Variants in FGF14 observed in about 807,000 individuals in gnomAD.
FGF14 encodes the protein fibroblast growth factor 14.
Under a neutral mutation model 25.5 loss-of-function variants are expected in FGF14, and 5 were observed. The observed-to-expected ratio is 0.20, with a 90% CI of 0.10 to 0.41. FGF14 has a LOEUF of 0.41. FGF14 is among the 10% of genes least tolerant of loss of function. The probability of loss-of-function intolerance (pLI) is 1.00; values close to 1 mark genes in which losing one functional copy is unlikely to be tolerated. For synonymous variants in FGF14, 138 were observed against 118.3 expected (o/e 1.17, Z -1.08); for missense variants, 222 against 320.1 (o/e 0.69, Z 2.34).
At chr13:101,766,207 C>T (rs570659740) in intron 3 of FGF14, among the ~76,000 whole-genome samples, 1 of 152,276 alleles carries the variant, frequency 6.6e-6, no homozygotes, top group South Asian at 2.1e-4. Context: ...GTATGAAATG[C>T]CAATATTTTA....
At chr13:101,862,170 C>T (rs2044453309) in intron 3 of FGF14, among the ~76,000 whole-genome samples, 1 of 152,038 alleles carries the variant, frequency 6.6e-6, no homozygotes, top group Non-Finnish European at 1.5e-5. Flanking sequence ...ATTCCAGGAA[C>T]ATGGTGGAGT....
At chr13:102,093,056 A>G (rs1193560750) in intron 1 of FGF14, among the ~76,000 whole-genome samples, 2 of 152,054 alleles carry the variant, frequency 1.3e-5, no homozygotes, top group Non-Finnish European at 2.9e-5. Flanking sequence ...TATACAGACA[A>G]CCCTTGAACA....
At chr13:101,747,070 A>G (rs1453374156) in intron 3 of FGF14, among the ~76,000 whole-genome samples, 2 of 151,978 alleles carry the variant, frequency 1.3e-5, no homozygotes, top group African/African-American at 4.8e-5. Flanking sequence ...ATTTTGTGGC[A>G]GGAAAGTGGT....
rs2058666721 is a variant in FGF14 at position 102,400,036 on chromosome 13, C to T, written c.208+1435G>A. Among the ~76,000 whole-genome samples, 1 of 151,304 alleles carries T rather than the reference C, an allele frequency of 6.6e-6. No homozygotes were observed. Among genetic ancestry groups the T allele is most frequent in the Admixed American group, 6.6e-5 (1 of 15,044 alleles). On this transcript the variant is annotated intron_variant, in intron 1 of 4. Coordinates refer to the FGF14 transcript ENST00000376131. This position sits in a 1 kb window ranked among gnomAD's most constrained non-coding sequence, Gnocchi z 4.3. ...CCGCAAACGGTCTCAGCCTCCGCAC[C>T]CACCGCCTCCGTCCCCGCCCACCCG...
At chr13:101,733,390 A>G (rs2035940232) in intron 3 of FGF14, among the ~76,000 whole-genome samples, 1 of 152,070 alleles carries the variant, frequency 6.6e-6, no homozygotes, top group Non-Finnish European at 1.5e-5. Flanking sequence ...AGGTCAAAAG[A>G]TGGAGACCAT....
rs183462384 is a variant in FGF14, at chr13:101,870,284, C to G, written c.305-1456G>C. On this transcript the variant is annotated intron_variant, in intron 2 of 4. Transcript: ENST00000376143. ...TTGGTGGGAGATGGCTATATTCACT[C>G]TTGTTTAGAACACCTGAACTGTACC... Among the ~76,000 whole-genome samples the G allele has an allele frequency of 1.7e-3, 251 of 152,040 alleles. 1 individual carries two copies. The highest frequency in any genetic ancestry group is 5.5e-3 in the African/African-American group (228 of 41,472).
chr13:102,382,488 G>T (rs1460821625), intron 1 of FGF14, among the ~76,000 whole-genome samples: 1 of 152,030 alleles, frequency 6.6e-6, no homozygotes, highest in African/African-American at 2.4e-5. Context: ...TGTTGACAAA[G>T]ATATGGAGAA....
intron 1 of FGF14, among the ~76,000 whole-genome samples, chr13:102,377,546 C>T (rs571265927): frequency 3.9e-5 from 6 of 152,268 alleles, no homozygotes; most frequent in East Asian, 1.9e-4. Context: ...CAGTGGCTCA[C>T]GCCTGTAATC....
intron 3 of FGF14, among the ~76,000 whole-genome samples, chr13:101,777,624 T>G (rs1388346339): frequency 6.6e-6 from 1 of 152,158 alleles, no homozygotes; most frequent in African/African-American, 2.4e-5. Flanking sequence ...TCAATTACAT[T>G]AATTATCTGC....
chr13:101,895,466 G>T (rs2138931706), intron 1 of FGF14, among the ~76,000 whole-genome samples: 1 of 152,002 alleles, frequency 6.6e-6, no homozygotes, highest in South Asian at 2.1e-4. Flanking sequence ...AGTTAATTTT[G>T]CACAATAAAA....
chr13:101,868,414 TATAAG>T (rs2044854080), intron 3 of FGF14: 3 of 239,106 alleles, frequency 1.3e-5, no homozygotes, highest in Non-Finnish European at 2.5e-5. Flanking sequence ...TTAAAAACAT[TATAAG>T]AAACTCTCTA....
chr13:101,933,160 T>A (rs1015055525), intron 1 of FGF14, among the ~76,000 whole-genome samples: 10 of 152,234 alleles, frequency 6.6e-5, no homozygotes, highest in African/African-American at 2.4e-4. Context: ...AGTTTAACTA[T>A]TTTTATCCGT....
chr13:102,083,423 G>GTT (rs1206389329), intron 1 of FGF14, among the ~76,000 whole-genome samples: 70 of 149,678 alleles, frequency 4.7e-4, no homozygotes, highest in African/African-American at 1.7e-3. Flanking sequence ...TAAGTGTTGG[G>GTT]TTTTTTTTTA....
At chr13:102,246,409 G>A (rs1566858639) in intron 1 of FGF14, among the ~76,000 whole-genome samples, 2 of 152,130 alleles carry the variant, frequency 1.3e-5, no homozygotes, top group East Asian at 1.9e-4. Context: ...AAATCAAGGT[G>A]AGTTGGTTTG....
intron 1 of FGF14, among the ~76,000 whole-genome samples, chr13:102,141,136 G>C (rs1276116792): frequency 6.6e-6 from 1 of 152,180 alleles, no homozygotes; most frequent in African/African-American, 2.4e-5. Flanking sequence ...ATCAGCACTA[G>C]TTTCAGAAAT....
chr13:101,823,650 T>C (rs937795179), intron 3 of FGF14, among the ~76,000 whole-genome samples: 4 of 150,568 alleles, frequency 2.7e-5, no homozygotes, highest in African/African-American at 9.7e-5. Context: ...TTGGTCAGGC[T>C]GGTCTCGAAC....
chr13:101,897,937 C>T (rs2030950918), intron 1 of FGF14, among the ~76,000 whole-genome samples: 1 of 151,864 alleles, frequency 6.6e-6, no homozygotes, highest in Non-Finnish European at 1.5e-5. Context: ...CTCTGTTGCC[C>T]AGGCTGGAGT....
chr13:101,848,887 C>A (rs1328304110), intron 3 of FGF14, among the ~76,000 whole-genome samples: 2 of 151,488 alleles, frequency 1.3e-5, no homozygotes, highest in Non-Finnish European at 2.9e-5. Context: ...GAAACTCATA[C>A]AAAAAAAATC....
At chr13:101,915,596 C>A (rs1375085586) in intron 1 of FGF14, among the ~76,000 whole-genome samples, 1 of 145,306 alleles carries the variant, frequency 6.9e-6, no homozygotes, top group Non-Finnish European at 1.5e-5. Context: ...AGGATGCCTT[C>A]TCAGACCCTG....
Sources: allele counts gnomAD v4.1 joint callset (sites outside exome capture counted in the v4.1 genomes callset), GRCh38; gene constraint gnomAD v4.1.1; non-coding constraint Gnocchi (gnomAD v3.1); transcripts MANE v1.5; gene names NCBI Gene and HGNC (gene_info 2026-07-23, HGNC 2026-07-21).